NMS: variants seen among roughly 807,000 people sequenced by gnomAD.
NMS encodes the protein neuromedin-S.
Under a neutral mutation model 32.2 loss-of-function variants are expected in NMS, and 30 were observed. The ratio of observed to expected loss-of-function variants is 0.93; its 90% CI spans 0.70 to 1.26. The LOEUF (loss-of-function observed/expected upper bound fraction) is 1.26. Among genes scored for constraint, NMS ranks in the 50% most tolerant of loss-of-function variants. NMS has a pLI of 0.00. For missense variants in NMS, 190 were observed against 186.3 expected, an observed-to-expected ratio of 1.02 and a Z score of -0.12; for synonymous variants, 76 against 58.5, an observed-to-expected ratio of 1.30 and a Z score of -1.37.
rs752184149 is a variant in NMS, at chr2:100,477,283, C to T, written c.207+16C>T. 3.1e-6 allele frequency: 5 copies of T among 1,612,022 alleles called. No homozygotes were observed. Among genetic ancestry groups the T allele is most frequent in the Admixed American group, 1.7e-5 (1 of 59,984 alleles). On this transcript the variant is annotated intron_variant, in intron 4 of 9. Coordinates refer to ENST00000376865, the MANE Select transcript of NMS (RefSeq NM_001011717.1). ...ATACAAAAGGGTGAGTACCACCTAG[C>T]CCTGTACAAGTGCATGCAGCTTCCA...
At position 100,480,514 on chromosome 2, in the gene NMS, G is replaced by A; in HGVS notation, c.355G>A (p.Val119Met). The A allele has an allele frequency of 1.2e-6, 2 of 1,613,272 alleles. No homozygotes were observed. Among genetic ancestry groups the A allele is most frequent in the Non-Finnish European group, 1.7e-6 (2 of 1,180,006 alleles). ...ILQRGSGTAAVDFTKKDHTAT... is the reference protein window; with the variant it reads ...ILQRGSGTAAMDFTKKDHTAT... ...CTTGCAGGGCTCGGGGACTGCTGCA[G>A]TGGACTTCACCAAGAAGGTACACAA... The change falls in exon 7 of 10, where the codon GTG becomes ATG. Residue 119 changes from valine to methionine, a missense_variant. By Grantham distance (21) the Val-to-Met change is conservative. Coordinates refer to ENST00000376865, the MANE Select transcript of NMS (RefSeq NM_001011717.1).
At chr2:100,478,713 ATTGGCCTCCCAAATTGC>A (rs1162272093) in intron 5 of NMS, among the ~76,000 whole-genome samples, 1 of 152,180 alleles carries the variant, frequency 6.6e-6, no homozygotes, top group Non-Finnish European at 1.5e-5. Flanking sequence ...ATCCACCCAC[ATTGGCCTCCCAAATTGC>A]TTGGCCTCCC....
intron 8 of NMS, 144 bp downstream of exon 8, chr2:100,481,311 T>C: frequency 1.2e-6 from 1 of 812,100 alleles, no homozygotes; most frequent in Non-Finnish European, 2.1e-6. Flanking sequence ...TCACTGGGAA[T>C]CACTCCAAGT....
intron 3 of NMS, among the ~76,000 whole-genome samples, chr2:100,475,990 C>G (rs1247656062): frequency 8.1e-6 from 1 of 124,178 alleles, no homozygotes; most frequent in East Asian, 2.7e-4. Flanking sequence ...TGGAGCGAGA[C>G]CCTATCTCCA....
At chr2:100,472,754 C>A in intron 1 of NMS, 41 bp from the exon 2 acceptor site, 1 of 1,302,378 alleles carries the variant, frequency 7.7e-7, no homozygotes, top group South Asian at 1.2e-5. Context: ...ATGCTATGAC[C>A]TCTTTTCTCT....
At chr2:100,481,919 G>C (rs374367904) in intron 8 of NMS, among the ~76,000 whole-genome samples, 1 of 152,154 alleles carries the variant, frequency 6.6e-6, no homozygotes, top group East Asian at 1.9e-4. Flanking sequence ...TGACCTACTC[G>C]TTTCCTAGAA....
At chr2:100,477,475 C>A in intron 5 of NMS, 61 bp downstream of exon 5, 1 of 1,270,722 alleles carries the variant, frequency 7.9e-7, no homozygotes, top group Admixed American at 1.8e-5. Context: ...TGTCGTCCAT[C>A]CTTTCTTAAT....
At chr2:100,481,497 G>A (rs1444854540) in intron 8 of NMS, among the ~76,000 whole-genome samples, 1 of 152,192 alleles carries the variant, frequency 6.6e-6, no homozygotes, top group African/African-American at 2.4e-5. Flanking sequence ...CACATGGCAG[G>A]AGGAGCTTAG....
Position 100,472,792 on chromosome 2 carries a change from T to C in NMS, c.77-3T>C. ...TTAATAATTTTATGATTTCTCACAA[T>C]AGGATTTCCTCAACCTTTAGCTGAT... On this transcript the variant is annotated splice_polypyrimidine_tract_variant and splice_region_variant and intron_variant, in intron 1 of 9. Transcript: ENST00000376865. 1.3e-6 allele frequency: 2 copies of C among 1,597,800 alleles called. No homozygotes were observed. Among genetic ancestry groups the C allele is most frequent in the Non-Finnish European group, 8.6e-7 (1 of 1,166,112 alleles).
Position 100,477,406 on chromosome 2 carries a change from A to G in NMS, c.253A>G (p.Lys85Glu). 1 of 1,611,194 alleles carries G rather than the reference A, an allele frequency of 6.2e-7. No individual in the cohort carries two copies. Among genetic ancestry groups the G allele is most frequent in the Non-Finnish European group, 8.5e-7 (1 of 1,177,536 alleles). Residue 85 changes from lysine to glutamate, a missense_variant, in exon 5 of 10, where the codon AAA becomes GAA. Transcript: ENST00000376865. ...AACTCAGGAGGCAACACATCCAGTT[A>G]AAACTGGGGTCAGTATTTTATTATA... ...SRTQEATHPV[K>E]TGFPPVHPLM...
chr2:100,481,671 C>T (rs1677218863), intron 8 of NMS, among the ~76,000 whole-genome samples: 1 of 152,164 alleles, frequency 6.6e-6, no homozygotes, highest in Non-Finnish European at 1.5e-5. Flanking sequence ...TAGATCCATG[C>T]CCCCCAGAAA....
At chr2:100,480,429 C>T (rs1677194986) in intron 6 of NMS, 67 bp from the exon 7 acceptor site, 1 of 1,540,106 alleles carries the variant, frequency 6.5e-7, no homozygotes. Context: ...GGCAGGATCA[C>T]TGCAAGACAA....
intron 9 of NMS, among the ~76,000 whole-genome samples, chr2:100,482,862 G>C (rs148242637): frequency 1.3e-5 from 2 of 152,168 alleles, no homozygotes; most frequent in Non-Finnish European, 2.9e-5. Flanking sequence ...GGGCAGCTCC[G>C]GGCCTCCTCT....
At chr2:100,482,461 CT>C in intron 9 of NMS, 150 bp downstream of exon 9, 1 of 722,508 alleles carries the variant, frequency 1.4e-6, no homozygotes. Context: ...TGCCCCTTCC[CT>C]TTTCCTGCTC....
chr2:100,482,527 T>C (rs922304067), intron 9 of NMS, among the ~76,000 whole-genome samples: 8 of 151,570 alleles, frequency 5.3e-5, no homozygotes, highest in South Asian at 2.1e-4. Flanking sequence ...GTCTGGGCAA[T>C]ATTGCAGCCT....
chr2:100,476,909 T>C (rs772248430), intron 3 of NMS, among the ~76,000 whole-genome samples: 6 of 152,182 alleles, frequency 3.9e-5, no homozygotes, highest in Non-Finnish European at 8.8e-5. Flanking sequence ...AATTAAAAAC[T>C]GTAATAGTTA....
chr2:100,474,862 C>T lies in NMS; in HGVS notation c.183+1323C>T, dbSNP rs372253425. Among the ~76,000 whole-genome samples the T allele has an allele frequency of 3.9e-5, 6 of 152,310 alleles. No individual in the cohort carries two copies. The East Asian group carries it at 9.6e-4, about 24-fold the overall frequency. On this transcript the variant is annotated intron_variant, in intron 3 of 9. Coordinates refer to ENST00000376865, the MANE Select transcript of NMS (RefSeq NM_001011717.1). Reference sequence around the variant, plus strand: ...GTTAGCTCTCATTTTCAAGAATAATCTTTACAGCCTTGGACCTGGAGCAAA... The same window carrying T: ...GTTAGCTCTCATTTTCAAGAATAATTTTTACAGCCTTGGACCTGGAGCAAA...
chr2:100,477,474 T>C, intron 5 of NMS, 60 bp downstream of exon 5: 1 of 1,280,652 alleles, frequency 7.8e-7, no homozygotes, highest in Middle Eastern at 2.0e-4. Flanking sequence ...ATGTCGTCCA[T>C]CCTTTCTTAA....
chr2:100,473,310 T>A (rs1348208487), intron 2 of NMS, among the ~76,000 whole-genome samples, 179 bp from the exon 3 acceptor site: 2 of 152,174 alleles, frequency 1.3e-5, no homozygotes, highest in Non-Finnish European at 2.9e-5. Flanking sequence ...ATTTGAATTA[T>A]TCTCTATTAG....
Sources: gnomAD v4.1 joint callset for allele counts (sites outside exome capture counted in the v4.1 genomes callset) on GRCh38, gnomAD v4.1.1 for gene constraint, MANE v1.5 for transcripts, NCBI Gene and HGNC (gene_info 2026-07-23, HGNC 2026-07-21) for gene names.